USH2A: variants seen among roughly 807,000 people sequenced by gnomAD.
USH2A encodes the protein usherin.
In USH2A, 443 loss-of-function variants were observed where a neutral mutation model predicts 538.9. The observed-to-expected ratio is 0.82, with a 90% CI of 0.76 to 0.89. The LOEUF (loss-of-function observed/expected upper bound fraction) is 0.89, where lower values mean the gene tolerates loss of function less well. USH2A is among the 40% of genes least tolerant of loss of function. USH2A has a pLI of 0.00. For missense variants in USH2A, 6,633 were observed against 6,324.8 expected, an observed-to-expected ratio of 1.05 and a Z score of -1.65; for synonymous variants, 2,413 against 2,273.5, an observed-to-expected ratio of 1.06 and a Z score of -1.75.
At chr1:216,180,628 G>A (rs1335860544) in intron 20 of USH2A, among the ~76,000 whole-genome samples, 2 of 151,968 alleles carry the variant, frequency 1.3e-5, no homozygotes, top group African/African-American at 4.8e-5. Context: ...TAAGGAATCT[G>A]TTCATTTTTT....
chr1:216,225,901 G>T (rs1264845840), intron 14 of USH2A, among the ~76,000 whole-genome samples: 1 of 152,132 alleles, frequency 6.6e-6, no homozygotes, highest in Non-Finnish European at 1.5e-5. Context: ...TACAGGCCTA[G>T]AGTGCGTGGC....
chr1:216,241,428 A>C (rs527596725), intron 13 of USH2A, among the ~76,000 whole-genome samples: 124 of 152,304 alleles, frequency 8.1e-4, no homozygotes, highest in African/African-American at 2.8e-3. Context: ...AAACAATGGC[A>C]ATACTGGATA....
chr1:215,803,484 C>A (rs1241940198), intron 49 of USH2A, among the ~76,000 whole-genome samples: 3 of 152,068 alleles, frequency 2.0e-5, no homozygotes, highest in Admixed American at 6.6e-5. Flanking sequence ...TCTTATACAC[C>A]AATAACAGAC....
intron 35 of USH2A, among the ~76,000 whole-genome samples, chr1:215,973,656 C>CTTTTTTTT (rs750306238): frequency 2.4e-4 from 31 of 130,956 alleles, no homozygotes; most frequent in African/African-American, 3.8e-4. Flanking sequence ...TCTTCTTCTT[C>CTTTTTTTT]TTTTTTTTTT....
chr1:216,157,357 T>C (rs1208752648), intron 21 of USH2A, among the ~76,000 whole-genome samples: 1 of 152,194 alleles, frequency 6.6e-6, no homozygotes, highest in Non-Finnish European at 1.5e-5. Context: ...AAAGAGAGAA[T>C]GCTTATGCAC....
At chr1:215,640,299 C>T (rs1056342337) in intron 68 of USH2A, among the ~76,000 whole-genome samples, 1 of 152,154 alleles carries the variant, frequency 6.6e-6, no homozygotes, top group African/African-American at 2.4e-5. Context: ...TGGGTCTTAT[C>T]CCTTCCTGGG....
intron 32 of USH2A, among the ~76,000 whole-genome samples, chr1:216,040,976 G>T (rs1273568692): frequency 1.3e-5 from 2 of 151,850 alleles, no homozygotes; most frequent in Admixed American, 1.3e-4. Flanking sequence ...GAAGGAAAAT[G>T]CATACTAGTT....
At chr1:216,050,604 C>CTTTCTTTCTTTCTTTCTTTCTTT (rs1195871302) in intron 30 of USH2A, among the ~76,000 whole-genome samples, 1 of 68,564 alleles carries the variant, frequency 1.5e-5, no homozygotes, top group Non-Finnish European at 2.9e-5. Context: ...TTCTTTCTTT[C>CTTTCTTTCTTTCTTTCTTTCTTT]TTTTTTTTTT....
At chr1:216,347,575 G>A (rs2038202633) in intron 4 of USH2A, among the ~76,000 whole-genome samples, 1 of 151,976 alleles carries the variant, frequency 6.6e-6, no homozygotes, top group African/African-American at 2.4e-5. Flanking sequence ...TGCTTTCTTT[G>A]GACTGTATTT....
chr1:215,893,268 T>C (rs951175722), intron 40 of USH2A, among the ~76,000 whole-genome samples: 1 of 152,198 alleles, frequency 6.6e-6, no homozygotes, highest in African/African-American at 2.4e-5. Flanking sequence ...GAAAATGCTA[T>C]AGAAAATGAT....
intron 19 of USH2A, among the ~76,000 whole-genome samples, chr1:216,194,667 A>C (rs570414148): frequency 2.0e-5 from 3 of 152,254 alleles, no homozygotes; most frequent in South Asian, 4.1e-4. Flanking sequence ...ACATGCTAGG[A>C]TATCCCCTCC....
intron 41 of USH2A, among the ~76,000 whole-genome samples, 172 bp downstream of exon 41, chr1:215,888,254 A>G (rs1458094690): frequency 6.6e-6 from 1 of 152,192 alleles, no homozygotes; most frequent in Admixed American, 6.5e-5. Flanking sequence ...TAAATGAAAA[A>G]CTGACATCGA....
intron 47 of USH2A, among the ~76,000 whole-genome samples, chr1:215,834,506 A>G (rs937775608): frequency 6.6e-6 from 1 of 152,164 alleles, no homozygotes; most frequent in African/African-American, 2.4e-5. Flanking sequence ...ACATAACAAA[A>G]CATGGCAGTG....
intron 3 of USH2A, among the ~76,000 whole-genome samples, chr1:216,371,989 TGA>T (rs2038724518): frequency 2.6e-5 from 4 of 152,232 alleles, no homozygotes; most frequent in Non-Finnish European, 4.4e-5. Flanking sequence ...TATTCTCTAT[TGA>T]GTGACGTTTA....
chr1:215,883,628 G>A (rs1664975202), intron 41 of USH2A, among the ~76,000 whole-genome samples: 1 of 151,908 alleles, frequency 6.6e-6, no homozygotes, highest in Non-Finnish European at 1.5e-5. Flanking sequence ...GGTCGGGCTG[G>A]TATCATTTTT....
At chr1:216,119,166 C>T (rs1314658874) in intron 21 of USH2A, among the ~76,000 whole-genome samples, 1 of 152,130 alleles carries the variant, frequency 6.6e-6, no homozygotes, top group South Asian at 2.1e-4. Flanking sequence ...AAAAGGAGTT[C>T]TCCCCAACCC....
At chr1:215,703,385 C>T (rs4422978) in intron 61 of USH2A, among the ~76,000 whole-genome samples, 27,140 of 152,144 alleles carry the variant, frequency 0.18, 2,800 homozygotes, top group East Asian at 0.41. Context: ...CAGGCAGGAA[C>T]GTTTAAGTCT....
chr1:216,028,142 C>T (rs1182726525), intron 32 of USH2A, among the ~76,000 whole-genome samples: 1 of 152,144 alleles, frequency 6.6e-6, no homozygotes. Context: ...AATCTCAGCA[C>T]TTTGGGAAGC....
Position 216,324,237 on chromosome 1 carries a change from C to A in USH2A, c.1259G>T (p.Gly420Val). 6.2e-7 allele frequency: 1 copy of A among 1,613,430 alleles called. No individual in the cohort carries two copies. The highest frequency in any genetic ancestry group is 8.5e-7 in the Non-Finnish European group (1 of 1,179,716). Residue 420 changes from glycine to valine, a missense_variant, in exon 7 of 72, where the codon GGT becomes GTT. Transcript: ENST00000307340. ...TCCATTGTTTTTCATTCCAAAAGCA[C>A]CACAATTCCTGGCAAAATATTGCCA... ...EDWQYFARNC[G>V]AFGMKNNGDL...
Sources: gnomAD v4.1 joint callset for allele counts (sites outside exome capture counted in the v4.1 genomes callset) on GRCh38, gnomAD v4.1.1 for gene constraint, MANE v1.5 for transcripts, NCBI Gene and HGNC (gene_info 2026-07-23, HGNC 2026-07-21) for gene names.